Variants in ROBO1 observed in about 807,000 individuals in gnomAD.
The protein encoded by ROBO1 is roundabout homolog 1.
Under a neutral mutation model 195.9 loss-of-function variants are expected in ROBO1, and 149 were observed. The ratio of observed to expected loss-of-function variants is 0.76; its 90% CI spans 0.67 to 0.87. The LOEUF (loss-of-function observed/expected upper bound fraction) is 0.87. Ranked by LOEUF, ROBO1 falls within the 40% of genes least tolerant of loss-of-function variation. The pLI, the probability that ROBO1 is intolerant of heterozygous loss-of-function variation, is 0.00. For missense variants in ROBO1, 1,933 were observed against 2,068.3 expected, an observed-to-expected ratio of 0.93 and a Z score of 1.27; for synonymous variants, 816 against 733.2, an observed-to-expected ratio of 1.11 and a Z score of -1.82.
chr3:78,918,954 T>C (rs552944749), intron 4 of ROBO1, among the ~76,000 whole-genome samples: 1 of 152,334 alleles, frequency 6.6e-6, no homozygotes, highest in African/African-American at 2.4e-5. Flanking sequence ...TTCTTTCTTG[T>C]GGTTCTGGAG....
At chr3:78,621,799 A>G (rs1206576712) in intron 26 of ROBO1, among the ~76,000 whole-genome samples, 1 of 152,184 alleles carries the variant, frequency 6.6e-6, no homozygotes. Flanking sequence ...AAACATGTTC[A>G]AGAGAAAAGC....
chr3:79,355,540 G>A (rs1327413596), intron 2 of ROBO1, among the ~76,000 whole-genome samples: 1 of 152,086 alleles, frequency 6.6e-6, no homozygotes, highest in Non-Finnish European at 1.5e-5. Context: ...TGTACCTGTT[G>A]ACCAATCTGT....
intron 30 of ROBO1, 156 bp downstream of exon 30, chr3:78,599,957 C>A: frequency 1.4e-6 from 1 of 696,012 alleles, no homozygotes. Flanking sequence ...AGAAAATTCT[C>A]AAATTCTCAG....
chr3:79,547,824 A>G (rs1345336397), intron 2 of ROBO1, among the ~76,000 whole-genome samples: 3 of 152,206 alleles, frequency 2.0e-5, no homozygotes, highest in Non-Finnish European at 2.9e-5. Context: ...TCTAATGGAA[A>G]TAGGATGTCC....
chr3:79,488,213 A>G (rs1447814636), intron 2 of ROBO1, among the ~76,000 whole-genome samples: 1 of 152,210 alleles, frequency 6.6e-6, no homozygotes, highest in Non-Finnish European at 1.5e-5. Flanking sequence ...TGAGAGGTAA[A>G]ATTGTATAAC....
chr3:79,538,635 T>TGG (rs1475319879), intron 2 of ROBO1, among the ~76,000 whole-genome samples: 58 of 152,140 alleles, frequency 3.8e-4, no homozygotes, highest in Admixed American at 8.5e-4. Context: ...TATTACTAAA[T>TGG]GTTTATTTGA....
At chr3:79,294,412 C>T (rs927333993) in intron 2 of ROBO1, among the ~76,000 whole-genome samples, 9 of 152,120 alleles carry the variant, frequency 5.9e-5, no homozygotes, top group Non-Finnish European at 8.8e-5. Flanking sequence ...AAAACTGAAA[C>T]TGGAACCCTT....
At chr3:79,721,472 G>A (rs1702700838) in intron 1 of ROBO1, among the ~76,000 whole-genome samples, 1 of 152,058 alleles carries the variant, frequency 6.6e-6, no homozygotes, top group Non-Finnish European at 1.5e-5. Context: ...ACAAATAGGA[G>A]GAAACTGTCA....
At chr3:79,513,806 T>C (rs1015914513) in intron 2 of ROBO1, among the ~76,000 whole-genome samples, 3 of 152,224 alleles carry the variant, frequency 2.0e-5, no homozygotes, top group Admixed American at 6.5e-5. Flanking sequence ...GTAATGTTAT[T>C]GCTTAATCTA....
intron 2 of ROBO1, among the ~76,000 whole-genome samples, chr3:79,236,920 C>T (rs572505127): frequency 1.1e-4 from 17 of 152,202 alleles, no homozygotes; most frequent in Admixed American, 3.9e-4. Context: ...CTTTTGGCTG[C>T]GTTCTACTGG....
intron 4 of ROBO1, among the ~76,000 whole-genome samples, chr3:78,891,942 A>C (rs2036923460): frequency 6.6e-6 from 1 of 152,234 alleles, no homozygotes; most frequent in African/African-American, 2.4e-5. Context: ...ATAGGGATTG[A>C]CTGGAAAAAC....
At chr3:79,633,396 G>T (rs1472780973) in intron 1 of ROBO1, among the ~76,000 whole-genome samples, 2 of 133,136 alleles carry the variant, frequency 1.5e-5, no homozygotes, top group African/African-American at 5.7e-5. Context: ...CACCATGTTG[G>T]CCAGGCTGGT....
intron 9 of ROBO1, 29 bp downstream of exon 9, chr3:78,688,619 A>G: frequency 1.2e-6 from 1 of 837,072 alleles, no homozygotes; most frequent in Non-Finnish European, 1.6e-6. Context: ...TTGCTGATTT[A>G]AAAAAAAAAA....
intron 1 of ROBO1, among the ~76,000 whole-genome samples, chr3:79,757,825 G>A (rs1350384408): frequency 2.9e-5 from 4 of 136,294 alleles, no homozygotes; most frequent in Admixed American, 7.3e-5. Flanking sequence ...TGGCTCAATC[G>A]CATTTTTTAT....
chr3:79,048,514 A>G (rs1202769283), intron 3 of ROBO1, among the ~76,000 whole-genome samples: 1 of 152,158 alleles, frequency 6.6e-6, no homozygotes, highest in Non-Finnish European at 1.5e-5. Flanking sequence ...AACTAACACA[A>G]CTGGCATCCA....
At chr3:79,517,881 T>C (rs1941020282) in intron 2 of ROBO1, among the ~76,000 whole-genome samples, 2 of 152,354 alleles carry the variant, frequency 1.3e-5, no homozygotes, top group Admixed American at 1.3e-4. Context: ...AATGATTGAA[T>C]GAATGAATAT....
At chr3:79,587,006 G>A (rs1173495083) in intron 2 of ROBO1, among the ~76,000 whole-genome samples, 3 of 151,816 alleles carry the variant, frequency 2.0e-5, no homozygotes, top group African/African-American at 4.8e-5. Context: ...TGCAATGAAA[G>A]CAACAATTCA....
At chr3:79,066,846 G>A (rs929009024) in intron 3 of ROBO1, among the ~76,000 whole-genome samples, 1 of 151,888 alleles carries the variant, frequency 6.6e-6, no homozygotes, top group Non-Finnish European at 1.5e-5. Context: ...AGCAGATAAC[G>A]ATTATTTGGC....
At chr3:79,052,889 C>T (rs900868015) in intron 3 of ROBO1, among the ~76,000 whole-genome samples, 10 of 151,998 alleles carry the variant, frequency 6.6e-5, no homozygotes, top group African/African-American at 1.9e-4. Context: ...GTGTATGGTC[C>T]GGGTTAACTA....
Sources: gnomAD v4.1 joint callset for allele counts (sites outside exome capture counted in the v4.1 genomes callset) on GRCh38, gnomAD v4.1.1 for gene constraint, MANE v1.5 for transcripts, NCBI Gene and HGNC (gene_info 2026-07-23, HGNC 2026-07-21) for gene names.